The following ADAM10 variants were observed in gnomAD, a reference collection of about 807,000 sequenced individuals.
The protein encoded by ADAM10 is disintegrin and metalloproteinase domain-containing protein 10.
A neutral mutation model predicts 90.1 loss-of-function variants in ADAM10; 17 were observed. That is an observed-to-expected ratio of 0.19 (90% CI 0.13 to 0.28). The LOEUF (loss-of-function observed/expected upper bound fraction) is 0.28. Ranked by LOEUF, ADAM10 falls within the 10% of genes least tolerant of loss-of-function variation. The pLI is 1.00. For missense variants in ADAM10, 610 were observed against 914.3 expected, an observed-to-expected ratio of 0.67 and a Z score of 4.29; for synonymous variants, 310 against 298.6, an observed-to-expected ratio of 1.04 and a Z score of -0.40.
At chr15:58,624,300 A>T (rs1253270122) in intron 10 of ADAM10, among the ~76,000 whole-genome samples, 2 of 152,028 alleles carry the variant, frequency 1.3e-5, no homozygotes, top group Non-Finnish European at 2.9e-5. Flanking sequence ...AAAAGCAAAA[A>T]CAAAAACAAA....
chr15:58,645,911 T>A, intron 6 of ADAM10, 144 bp downstream of exon 6: 1 of 823,336 alleles, frequency 1.2e-6, no homozygotes, highest in Non-Finnish European at 1.9e-6. Context: ...ATCCATGTAC[T>A]TATCTTACAC....
intron 2 of ADAM10, among the ~76,000 whole-genome samples, chr15:58,708,971 A>T (rs1898389519): frequency 6.6e-6 from 1 of 152,242 alleles, no homozygotes; most frequent in African/African-American, 2.4e-5. Flanking sequence ...TATATCTAAA[A>T]GGAACTGTAT....
At chr15:58,666,264 A>G (rs1472013972) in intron 4 of ADAM10, among the ~76,000 whole-genome samples, 1 of 149,418 alleles carries the variant, frequency 6.7e-6, no homozygotes, top group Non-Finnish European at 1.5e-5. Flanking sequence ...CTCCACCCCA[A>G]CGCCCCTGAA....
At chr15:58,748,056 C>T (rs775099318) in intron 1 of ADAM10, 1 of 152,126 alleles carries the variant, frequency 6.6e-6, no homozygotes. Flanking sequence ...GAGAGTCTCC[C>T]GCACATAATC....
chr15:58,731,000 C>A (rs976540538), intron 1 of ADAM10, among the ~76,000 whole-genome samples: 6 of 152,180 alleles, frequency 3.9e-5, no homozygotes, highest in Non-Finnish European at 8.8e-5. Context: ...GACTGCCTAT[C>A]ATGGGACTTT....
intron 11 of ADAM10, 85 bp downstream of exon 11, chr15:58,621,386 T>C (rs1895782456): frequency 4.6e-6 from 7 of 1,506,370 alleles, no homozygotes; most frequent in Non-Finnish European, 5.5e-6. Context: ...ACCATATGCA[T>C]CTCTTAATCT....
chr15:58,724,675 G>C (rs983476180), intron 1 of ADAM10, among the ~76,000 whole-genome samples: 50 of 152,292 alleles, frequency 3.3e-4, no homozygotes, highest in African/African-American at 1.2e-3. Context: ...CCTCAAGTGG[G>C]GGTTCCCTAA....
At chr15:58,634,396 A>G (rs988717538) in intron 8 of ADAM10, among the ~76,000 whole-genome samples, 12 of 152,096 alleles carry the variant, frequency 7.9e-5, no homozygotes, top group African/African-American at 2.9e-4. Context: ...CTGAATTATG[A>G]TTGTTCCAGT....
intron 2 of ADAM10, among the ~76,000 whole-genome samples, chr15:58,684,167 T>G (rs1443358364): frequency 6.6e-6 from 1 of 152,192 alleles, no homozygotes; most frequent in Non-Finnish European, 1.5e-5. Context: ...ACATGTTCAG[T>G]ACAGATGCAA....
chr15:58,735,563 A>G (rs1278020982), intron 1 of ADAM10, among the ~76,000 whole-genome samples: 3 of 152,216 alleles, frequency 2.0e-5, no homozygotes, highest in African/African-American at 4.8e-5. Flanking sequence ...TAGACTACTT[A>G]TAATACACAA....
chr15:58,689,950 C>A lies in ADAM10; in HGVS notation c.207-7636G>T, dbSNP rs866195895. Among the ~76,000 whole-genome samples, 22 of 132,804 alleles carry A rather than the reference C, an allele frequency of 1.7e-4. 1 individual carries two copies. The South Asian group carries it at 2.4e-3, about 14-fold the overall frequency. The allele number at this position is 132,804 out of a possible 152,430, so 87.1% of individuals were successfully genotyped here. A position where few individuals can be genotyped will look rare whatever the true frequency, so the allele number is the denominator to read the frequency against. On this transcript the variant is annotated intron_variant, in intron 2 of 15. Coordinates refer to ENST00000260408, the MANE Select transcript of ADAM10 (RefSeq NM_001110.4). ...ATTCCAAAACCAAAGACAGACCCCC[C>A]CCAAAAAAAAAAAAAAAAGACTGAT... is the stretch of plus-strand genomic sequence containing the variant.
chr15:58,731,774 TAA>T (rs1196986671), intron 1 of ADAM10, among the ~76,000 whole-genome samples: 1 of 152,146 alleles, frequency 6.6e-6, no homozygotes, highest in Non-Finnish European at 1.5e-5. Context: ...GGTGTTTCTT[TAA>T]GAGTGTCACA....
rs1894949674 is a variant in ADAM10, at chr15:58,596,345, A to G, written c.*1202T>C. 1 of 152,624 alleles carries G rather than the reference A, an allele frequency of 6.6e-6. No individual in the cohort carries two copies. 9.5% of individuals were successfully genotyped at this position (152,624 alleles called of 1,614,324 possible). A position where few individuals can be genotyped will look rare whatever the true frequency, so the allele number is the denominator to read the frequency against. On this transcript the variant is annotated 3_prime_UTR_variant, in exon 16 of 16. Coordinates refer to ENST00000260408, the MANE Select transcript of ADAM10 (RefSeq NM_001110.4). ...ATGCCAATTATTTACATCTGTTTCA[A>G]AAATAAATTTGGAATGGGACATTGT...
At chr15:58,726,865 T>A (rs938039403) in intron 1 of ADAM10, among the ~76,000 whole-genome samples, 1 of 133,982 alleles carries the variant, frequency 7.5e-6, no homozygotes, top group Non-Finnish European at 1.6e-5. Flanking sequence ...CAGAGAGAGA[T>A]CTCCATCTCC....
chr15:58,746,400 C>T (rs1342942060), intron 1 of ADAM10, among the ~76,000 whole-genome samples: 2 of 152,144 alleles, frequency 1.3e-5, no homozygotes, highest in Admixed American at 6.5e-5. Flanking sequence ...GCCTGCCATG[C>T]CTGCTGGGAG....
In ADAM10 at chr15:58,720,895, G is replaced by C. The variant is rs566694404; in HGVS notation, c.56-3168C>G. On this transcript the variant is annotated intron_variant, in intron 1 of 15. Coordinates refer to ENST00000260408, the MANE Select transcript of ADAM10 (RefSeq NM_001110.4). Reference sequence around the variant, plus strand: ...AAATTTCCACTGGATTACTGAATTGGATTTAAGTGGTCTGAGTTGCCATAG... The same window carrying C: ...AAATTTCCACTGGATTACTGAATTGCATTTAAGTGGTCTGAGTTGCCATAG... Among the ~76,000 whole-genome samples the C allele has an allele frequency of 4.6e-5, 7 of 152,248 alleles. No homozygotes were observed. The South Asian group carries it at 1.0e-3, about 23-fold the overall frequency.
At chr15:58,691,051 T>C (rs957187116) in intron 2 of ADAM10, 5 of 583,538 alleles carry the variant, frequency 8.6e-6, no homozygotes, top group East Asian at 6.7e-5. Context: ...TAACCCATCA[T>C]AGAGTTGTCC....
chr15:58,715,639 C>T (rs1898634007), intron 2 of ADAM10, among the ~76,000 whole-genome samples: 1 of 152,098 alleles, frequency 6.6e-6, no homozygotes, highest in Non-Finnish European at 1.5e-5. Flanking sequence ...TTTCTATCAC[C>T]CACAGTCTAT....
chr15:58,602,906 C>A (rs1199329205), intron 14 of ADAM10, among the ~76,000 whole-genome samples: 1 of 152,160 alleles, frequency 6.6e-6, no homozygotes, highest in Non-Finnish European at 1.5e-5. Flanking sequence ...GCTTAAAGAT[C>A]TGATTTTTCA....
Sources: gnomAD v4.1 joint callset for allele counts (sites outside exome capture counted in the v4.1 genomes callset) on GRCh38, gnomAD v4.1.1 for gene constraint, MANE v1.5 for transcripts, NCBI Gene and HGNC (gene_info 2026-07-23, HGNC 2026-07-21) for gene names.